Variants in CPE observed in about 807,000 individuals in gnomAD.
The protein encoded by CPE is carboxypeptidase E.
A neutral mutation model predicts 53.5 loss-of-function variants in CPE; 17 were observed. The observed-to-expected ratio is 0.32, with a 90% CI of 0.22 to 0.48. The LOEUF (loss-of-function observed/expected upper bound fraction) is 0.48, where lower values mean the gene tolerates loss of function less well. Among genes scored for constraint, CPE ranks in the 20% least tolerant of loss-of-function variants. The probability of loss-of-function intolerance (pLI) is 0.99; values close to 1 mark genes in which losing one functional copy is unlikely to be tolerated. For missense variants in CPE, 524 were observed against 614.7 expected (o/e 0.85, Z 1.56); for synonymous variants, 226 against 228.8 (o/e 0.99, Z 0.11).
chr4:165,484,577 G>A lies in CPE; in HGVS notation c.946G>A (p.Gly316Ser), dbSNP rs764215950. Reference protein sequence around the residue: ...DSSFVDGTTNGGAWYSVPGGM... With the variant: ...DSSFVDGTTNSGAWYSVPGGM... ...CAGCTTTGTAGATGGAACCACCAAC[G>A]GTGGTGCTTGGTACAGCGTACCTGG... is the stretch of plus-strand genomic sequence containing the variant. Residue 316 changes from glycine (G) to serine (S), a missense_variant, in exon 5 of 9, where the codon GGT becomes AGT. Physicochemically the swap from Gly to Ser is moderately conservative, Grantham distance 56 (BLOSUM62 0). Coordinates refer to ENST00000402744, the MANE Select transcript of CPE (RefSeq NM_001873.4). The A allele has an allele frequency of 4.3e-6, 7 of 1,613,874 alleles. No homozygotes were observed. The highest frequency in any genetic ancestry group is 2.7e-5 in the African/African-American group (2 of 74,904).
chr4:165,404,291 G>A (rs1329823186), intron 1 of CPE: 22 of 770,040 alleles, frequency 2.9e-5, no homozygotes, highest in Admixed American at 5.1e-5. Context: ...CCCCTCTTGC[G>A]GGCACGTGAC....
At chr4:165,435,690 G>A (rs757958847) in intron 1 of CPE, among the ~76,000 whole-genome samples, 1 of 150,056 alleles carries the variant, frequency 6.7e-6, no homozygotes, top group African/African-American at 2.5e-5. Context: ...TTTGTTTATC[G>A]TATATAATAA....
intron 6 of CPE, 77 bp downstream of exon 6, chr4:165,487,654 G>C (rs913802275): frequency 1.3e-5 from 19 of 1,509,340 alleles, no homozygotes; most frequent in Non-Finnish European, 1.7e-5. Flanking sequence ...TGTAAGAGGA[G>C]TCCAGGAGAA....
In CPE at chr4:165,481,012, ATATATTT is replaced by A. The variant is rs1376158678; in HGVS notation, c.673-1228_673-1222del. On this transcript the variant is annotated intron_variant, in intron 3 of 8. Coordinates refer to ENST00000402744, the MANE Select transcript of CPE (RefSeq NM_001873.4). ...CTACAATGGATATATATATATATAT[ATATATTT>A]TTTTTTTTTTTTTTAGCAAAAATAA... 4.7e-3 allele frequency among the ~76,000 whole-genome samples: 236 copies of A among 50,068 alleles called. 3 individuals are homozygous for A. Among genetic ancestry groups the A allele is most frequent in the Middle Eastern group, 0.037 (3 of 82 alleles). The allele number at this position is 50,068 out of a possible 152,430, so 32.8% of individuals were successfully genotyped here.
chr4:165,490,468 C>G (rs759013982), intron 6 of CPE, among the ~76,000 whole-genome samples: 1 of 151,814 alleles, frequency 6.6e-6, no homozygotes, highest in Non-Finnish European at 1.5e-5. Flanking sequence ...CCTGTCTCTA[C>G]TAAAAATACA....
rs77559203 is a variant in CPE, at chr4:165,483,791, T to C, written c.791-631T>C. 7.7e-3 allele frequency among the ~76,000 whole-genome samples: 1,174 copies of C among 152,290 alleles called. 17 individuals are homozygous for C. Among genetic ancestry groups the C allele is most frequent in the African/African-American group, 0.027 (1,128 of 41,564 alleles). ...TTTTGAGAAAAGTCTGTTCTTGTCC[T>C]TTGCCCACTTTTTAATGGGGTTGTT... On this transcript the variant is annotated intron_variant, in intron 4 of 8. Coordinates refer to ENST00000402744, the MANE Select transcript of CPE (RefSeq NM_001873.4).
rs181787671 is a variant in CPE, at chr4:165,411,835, A to G, written c.307+32307A>G. On this transcript the variant is annotated intron_variant, in intron 1 of 8. Coordinates refer to ENST00000402744, the MANE Select transcript of CPE (RefSeq NM_001873.4). ...TTCTGGTTCTACCCATTGAAGCACT[A>G]TACCTGTGGCTGGTGATGGAGGCGA... Among the ~76,000 whole-genome samples, 76 of 152,300 alleles carry G rather than the reference A, an allele frequency of 5.0e-4. 1 individual carries two copies. The highest frequency in any genetic ancestry group is 1.7e-3 in the African/African-American group (71 of 41,566).
chr4:165,450,904 TTTAA>T (rs1731796406), intron 1 of CPE, among the ~76,000 whole-genome samples: 1 of 152,218 alleles, frequency 6.6e-6, no homozygotes, highest in East Asian at 1.9e-4. Context: ...TGTTGTTGTC[TTTAA>T]TTATTTTAAA....
intron 1 of CPE, among the ~76,000 whole-genome samples, chr4:165,460,556 C>T (rs11721656): frequency 0.19 from 28,317 of 151,954 alleles, 2,954 homozygotes; most frequent in African/African-American, 0.28. Context: ...ATATTCCACC[C>T]GGGTGCAGCC....
chr4:165,397,868 G>A (rs4691190), intron 1 of CPE, among the ~76,000 whole-genome samples: 1 of 150,214 alleles, frequency 6.7e-6, no homozygotes, highest in Non-Finnish European at 1.5e-5. Context: ...TAGCAAGACC[G>A]TGTCTCTACC....
Position 165,456,381 on chromosome 4 carries a change from C to T in CPE, c.308-8009C>T, listed in dbSNP as rs1025644704. Among the ~76,000 whole-genome samples, 56 of 152,072 alleles carry T rather than the reference C, an allele frequency of 3.7e-4. 1 individual carries two copies. The highest frequency in any genetic ancestry group is 1.2e-3 in the African/African-American group (51 of 41,404). On this transcript the variant is annotated intron_variant, in intron 1 of 8. Transcript: ENST00000402744. ...AAGTTGAATTCATAATGATGCAGTG[C>T]TTTGGAAAACAGCTCTGTATTAATA...
intron 5 of CPE, among the ~76,000 whole-genome samples, chr4:165,486,712 C>G (rs970578632): frequency 2.0e-5 from 3 of 152,200 alleles, no homozygotes; most frequent in African/African-American, 7.2e-5. Flanking sequence ...CGATTGCCCC[C>G]CTACCCCATT....
intron 1 of CPE, among the ~76,000 whole-genome samples, chr4:165,462,215 G>T (rs1732019824): frequency 6.6e-6 from 1 of 152,154 alleles, no homozygotes; most frequent in African/African-American, 2.4e-5. Flanking sequence ...AGAACTAGGG[G>T]GAGCATGCTC....
intron 1 of CPE, among the ~76,000 whole-genome samples, chr4:165,408,334 T>C (rs1329281843): frequency 6.6e-6 from 1 of 152,212 alleles, no homozygotes; most frequent in Non-Finnish European, 1.5e-5. Flanking sequence ...TTAACTTTTT[T>C]ATCGGATAAG....
At chr4:165,466,297 C>T (rs909077816) in intron 2 of CPE, among the ~76,000 whole-genome samples, 1 of 152,078 alleles carries the variant, frequency 6.6e-6, no homozygotes, top group Non-Finnish European at 1.5e-5. Context: ...AGTGAAAATA[C>T]AGCATAAAAG....
chr4:165,493,702 TTG>T (rs947910760), intron 7 of CPE, among the ~76,000 whole-genome samples: 2 of 152,144 alleles, frequency 1.3e-5, no homozygotes, highest in Admixed American at 6.6e-5. Context: ...CTGCTGCGGG[TTG>T]TGTGTCTAAA....
At chr4:165,437,434 CTGAG>C (rs953321822) in intron 1 of CPE, among the ~76,000 whole-genome samples, 30 of 152,248 alleles carry the variant, frequency 2.0e-4, no homozygotes, top group African/African-American at 6.7e-4. Flanking sequence ...GTATCTGCAA[CTGAG>C]TTTCTTGTTG....
In CPE at chr4:165,396,535, G is replaced by GT. The variant is rs544734045; in HGVS notation, c.307+17008dup. 3.8e-3 allele frequency among the ~76,000 whole-genome samples: 585 copies of GT among 152,118 alleles called. 2 individuals are homozygous for GT. The highest frequency in any genetic ancestry group is 6.7e-3 in the Non-Finnish European group (458 of 68,002). ...AAAATACAAAAATTAGCAGGGTGTG[G>GT]TGGCATATGCCTGTAATCCCAGCTA... On this transcript the variant is annotated intron_variant, in intron 1 of 8. Coordinates refer to ENST00000402744, the MANE Select transcript of CPE (RefSeq NM_001873.4).
intron 1 of CPE, among the ~76,000 whole-genome samples, chr4:165,435,166 T>C (rs1731477263): frequency 6.6e-6 from 1 of 152,194 alleles, no homozygotes; most frequent in African/African-American, 2.4e-5. Context: ...TATTCCTTTA[T>C]AGCAACACAA....
Sources: allele counts gnomAD v4.1 joint callset (sites outside exome capture counted in the v4.1 genomes callset), GRCh38; gene constraint gnomAD v4.1.1; transcripts MANE v1.5; gene names NCBI Gene and HGNC (gene_info 2026-07-23, HGNC 2026-07-21).